Variants in MLKL observed in about 807,000 individuals in gnomAD.
MLKL encodes mixed lineage kinase domain-like protein.
MLKL carries 55 observed loss-of-function variants against 56.5 expected under a neutral mutation model. That is an observed-to-expected ratio of 0.97 (90% confidence interval 0.78 to 1.22). The LOEUF (loss-of-function observed/expected upper bound fraction) is 1.22, where lower values mean the gene tolerates loss of function less well. Ranked by LOEUF, MLKL falls within the 50% of genes most tolerant of loss-of-function variation. The pLI, the probability that MLKL is intolerant of heterozygous loss-of-function variation, is 0.00. For synonymous variants in MLKL, 251 were observed against 208.3 expected (o/e 1.20, Z -1.76); for missense variants, 694 against 573.9 (o/e 1.21, Z -2.14).
At chr16:74,674,476 G>C (rs1425922942) in intron 10 of MLKL, among the ~76,000 whole-genome samples, 1 of 151,000 alleles carries the variant, frequency 6.6e-6, no homozygotes, top group Admixed American at 6.6e-5. Context: ...TTGAGACGGA[G>C]TCTTGTTTTG....
intron 2 of MLKL, among the ~76,000 whole-genome samples, chr16:74,692,710 G>A (rs1960746087): frequency 1.3e-5 from 2 of 152,234 alleles, no homozygotes; most frequent in Admixed American, 1.3e-4. Flanking sequence ...TGGCTGCTTT[G>A]GAAGTGAGGA....
At chr16:74,699,372 A>G (rs1196311304) in intron 1 of MLKL, among the ~76,000 whole-genome samples, 5 of 152,218 alleles carry the variant, frequency 3.3e-5, no homozygotes, top group Non-Finnish European at 7.3e-5. Context: ...TTTAAAAAAT[A>G]AAGAAAAGGG....
chr16:74,691,638 T>C (rs550314705), intron 3 of MLKL, among the ~76,000 whole-genome samples, 175 bp from the exon 4 acceptor site: 1 of 152,302 alleles, frequency 6.6e-6, no homozygotes, highest in East Asian at 1.9e-4. Context: ...CCCGTGCCTC[T>C]GAGTGACCAG....
rs767171471 is a variant in MLKL at position 74,695,772 on chromosome 16, A to G, written c.-2-13T>C. The G allele has an allele frequency of 2.5e-6, 4 of 1,572,368 alleles. No individual in the cohort carries two copies. ...AAATTTTCCATGCCTGGAAGAAATG[A>G]ATGGAATTTGGTGAAATCCCCAAAT... On this transcript the variant is annotated splice_polypyrimidine_tract_variant and intron_variant, in intron 1 of 10. Transcript: ENST00000308807.
chr16:74,693,805 G>A (rs1477639582), intron 2 of MLKL, among the ~76,000 whole-genome samples: 9 of 151,976 alleles, frequency 5.9e-5, no homozygotes, highest in African/African-American at 2.2e-4. Flanking sequence ...GGGTTTCACC[G>A]TGTTAGCCAG....
At chr16:74,675,327 T>C in intron 9 of MLKL, 28 bp downstream of exon 9, 1 of 1,614,162 alleles carries the variant, frequency 6.2e-7, no homozygotes, top group Non-Finnish European at 8.5e-7. Context: ...ACCTCACCAC[T>C]GGCTGAGCCA....
chr16:74,696,452 T>G (rs1961047942), intron 1 of MLKL, among the ~76,000 whole-genome samples: 2 of 151,710 alleles, frequency 1.3e-5, no homozygotes, highest in African/African-American at 4.8e-5. Flanking sequence ...TATCTTTCAT[T>G]TTTCCTACAA....
rs893059949 is a variant in MLKL, at chr16:74,691,299, T to C, written c.700A>G (p.Lys234Glu). 6.2e-7 allele frequency: 1 copy of C among 1,610,970 alleles called. No homozygotes were observed. The highest frequency in any genetic ancestry group is 8.5e-7 in the Non-Finnish European group (1 of 1,179,134). ...RAPVAIKVFK[K>E]LQAGSIAIVR... Reference sequence around the variant, plus strand: ...TACGCAATGCTGCCAGCCTGGAGTTTTTTGAATACTTTTATGGCCACTGGA... The same window carrying C: ...TACGCAATGCTGCCAGCCTGGAGTTCTTTGAATACTTTTATGGCCACTGGA... The change falls in exon 4 of 11, where the codon AAA becomes GAA. Residue 234 changes from lysine to glutamate, a missense_variant. By Grantham distance (56) the Lys-to-Glu change is moderately conservative. Coordinates refer to ENST00000308807, the MANE Select transcript of MLKL (RefSeq NM_152649.4).
chr16:74,694,168 A>AAT (rs542314410), intron 2 of MLKL, among the ~76,000 whole-genome samples: 172 of 152,314 alleles, frequency 1.1e-3, no homozygotes, highest in South Asian at 6.2e-3. Context: ...ACAACAATAA[A>AAT]ATATATATAC....
intron 7 of MLKL, 122 bp from the exon 8 acceptor site, chr16:74,675,886 G>T: frequency 9.3e-7 from 1 of 1,069,674 alleles, no homozygotes; most frequent in Non-Finnish European, 1.4e-6. Context: ...TTTATTTCCT[G>T]TCGTGACTTC....
intron 6 of MLKL, among the ~76,000 whole-genome samples, chr16:74,682,234 T>A (rs1468160388): frequency 1.3e-5 from 2 of 152,096 alleles, no homozygotes; most frequent in Non-Finnish European, 2.9e-5. Flanking sequence ...GGCAAGAGAG[T>A]GAGACTCTGT....
intron 4 of MLKL, among the ~76,000 whole-genome samples, chr16:74,689,119 T>C (rs1250359394): frequency 6.6e-6 from 1 of 151,060 alleles, no homozygotes; most frequent in Non-Finnish European, 1.5e-5. Flanking sequence ...TTCTTTTTTT[T>C]TTCTTTTTTT....
At chr16:74,683,100 G>A (rs1960093736) in intron 5 of MLKL, among the ~76,000 whole-genome samples, 1 of 152,130 alleles carries the variant, frequency 6.6e-6, no homozygotes, top group South Asian at 2.1e-4. Context: ...CACAAGGTCA[G>A]GAGTTTGAGA....
At chr16:74,692,750 T>C (rs1960749883) in intron 2 of MLKL, among the ~76,000 whole-genome samples, 1 of 152,274 alleles carries the variant, frequency 6.6e-6, no homozygotes, top group African/African-American at 2.4e-5. Context: ...AGTGCTATAC[T>C]ATTGAAAGTA....
chr16:74,687,652 A>G (rs1209726199), intron 4 of MLKL, among the ~76,000 whole-genome samples: 1 of 152,120 alleles, frequency 6.6e-6, no homozygotes, highest in Non-Finnish European at 1.5e-5. Context: ...AAATAAACTC[A>G]TACATATAAA....
intron 4 of MLKL, 80 bp from the exon 5 acceptor site, chr16:74,685,663 G>A (rs922514889): frequency 8.2e-6 from 9 of 1,091,080 alleles, no homozygotes; most frequent in East Asian, 7.4e-5. Context: ...GACCCTCTGT[G>A]TATGTGGGGG....
intron 6 of MLKL, among the ~76,000 whole-genome samples, chr16:74,679,555 C>A (rs919880046): frequency 1.4e-4 from 22 of 152,136 alleles, no homozygotes; most frequent in Non-Finnish European, 2.9e-4. Context: ...CGCTTATAAT[C>A]CCCACACTTT....
At chr16:74,693,098 C>T (rs1960773616) in intron 2 of MLKL, among the ~76,000 whole-genome samples, 1 of 152,090 alleles carries the variant, frequency 6.6e-6, no homozygotes, top group South Asian at 2.1e-4. Flanking sequence ...ATTTGAAATG[C>T]CTACAGTCTT....
In MLKL at chr16:74,686,686, G is replaced by A. The variant is rs145419741; in HGVS notation, c.723-1103C>T. Among the ~76,000 whole-genome samples, 297 of 152,280 alleles carry A rather than the reference G, an allele frequency of 2.0e-3. 1 individual carries two copies. The highest frequency in any genetic ancestry group is 6.8e-3 in the African/African-American group (283 of 41,564). ...TGTAGGCAGGTAAATTATTAAAGAG[G>A]ATCACTGGAACCACCAACTCAATCC... On this transcript the variant is annotated intron_variant, in intron 4 of 10. Transcript: ENST00000308807.
Sources: allele counts gnomAD v4.1 joint callset (sites outside exome capture counted in the v4.1 genomes callset), GRCh38; gene constraint gnomAD v4.1.1; transcripts MANE v1.5; gene names NCBI Gene and HGNC (gene_info 2026-07-23, HGNC 2026-07-21).